BCAS3: variants seen among roughly 807,000 people sequenced by gnomAD.
BCAS3 encodes BCAS4/BCAS3 fusion.
BCAS3 carries 53 observed loss-of-function variants against 116.1 expected under a neutral mutation model. The observed-to-expected ratio is 0.46, with a 90% CI of 0.37 to 0.57. The LOEUF (loss-of-function observed/expected upper bound fraction) is 0.57. Ranked by LOEUF, BCAS3 falls within the 20% of genes least tolerant of loss-of-function variation. The probability of loss-of-function intolerance (pLI) is 0.00; values close to 1 mark genes in which losing one functional copy is unlikely to be tolerated. For missense variants in BCAS3, 917 were observed against 1,165.4 expected (o/e 0.79, Z 3.10); for synonymous variants, 391 against 408.2 (o/e 0.96, Z 0.51).
rs1159095712 is a variant in BCAS3, at chr17:61,045,952, T to A, written c.2029+5060T>A. Among the ~76,000 whole-genome samples, 7 of 13,216 alleles carry A rather than the reference T, an allele frequency of 5.3e-4. No individual in the cohort carries two copies. In the Admixed American group the frequency reaches 6.2e-3, roughly 12 times the overall value. 8.7% of individuals were successfully genotyped at this position (13,216 alleles called of 152,430 possible). On this transcript the variant is annotated intron_variant, in intron 19 of 23. Coordinates refer to ENST00000407086, the MANE Select transcript of BCAS3 (RefSeq NM_017679.5). ...TATATAAATATATATATTATATATA[T>A]AAATATATATATAATATATATATAT... is the stretch of plus-strand genomic sequence containing the variant.
Position 60,696,944 on chromosome 17 carries a change from T to C in BCAS3, c.214+7183T>C, listed in dbSNP as rs541750414. Among the ~76,000 whole-genome samples the C allele has an allele frequency of 9.2e-5, 14 of 151,650 alleles. No individual in the cohort carries two copies. In the South Asian group the frequency reaches 2.9e-3, roughly 32 times the overall value. ...GCTCATGCCTGTAATCCCAGGACTT[T>C]GGGAGGCCAAGACGGGTAGATCACT... is the stretch of plus-strand genomic sequence containing the variant. On this transcript the variant is annotated intron_variant, in intron 4 of 23. Transcript: ENST00000407086.
chr17:61,002,268 C>G (rs1471734220), intron 15 of BCAS3, among the ~76,000 whole-genome samples: 5 of 152,028 alleles, frequency 3.3e-5, no homozygotes, highest in Non-Finnish European at 5.9e-5. Context: ...TTTCTTTTCT[C>G]TGTAAGTTTT....
chr17:61,384,656 C>T (rs1327325162), intron 23 of BCAS3: 1 of 152,326 alleles, frequency 6.6e-6, no homozygotes, highest in Non-Finnish European at 1.5e-5. Flanking sequence ...TCAGATACAT[C>T]CAAACCAGCG....
In BCAS3 at chr17:61,350,913, T is replaced by C. The variant is rs147976069; in HGVS notation, c.2426-17414T>C. On this transcript the variant is annotated intron_variant, in intron 22 of 23. Transcript: ENST00000407086. ...CCTCCCAAAGTGCTAGGATTGCAGG[T>C]GTGAGCCACCATGCCCAGCCTTCAA... Among the ~76,000 whole-genome samples the C allele has an allele frequency of 4.8e-3, 736 of 152,226 alleles. 9 individuals carry two copies. The highest frequency in any genetic ancestry group is 0.017 in the African/African-American group (699 of 41,526).
chr17:60,694,108 G>T (rs941841383), intron 4 of BCAS3, among the ~76,000 whole-genome samples: 2 of 151,082 alleles, frequency 1.3e-5, no homozygotes, highest in Admixed American at 6.6e-5. Context: ...GGATGGTCTC[G>T]ATCTCCTGAC....
chr17:60,891,752 C>T (rs1567805947), intron 10 of BCAS3: 1 of 455,866 alleles, frequency 2.2e-6, no homozygotes, highest in African/African-American at 2.0e-5. Context: ...ATCCATCATC[C>T]AGATATTGAA....
intron 4 of BCAS3, among the ~76,000 whole-genome samples, chr17:60,693,730 A>G (rs2035188966): frequency 6.6e-6 from 1 of 151,424 alleles, no homozygotes; most frequent in South Asian, 2.1e-4. Flanking sequence ...TTCTAATATC[A>G]AGGTCTAGTA....
intron 19 of BCAS3, among the ~76,000 whole-genome samples, chr17:61,046,425 C>T (rs1244972386): frequency 6.6e-6 from 1 of 151,322 alleles, no homozygotes; most frequent in African/African-American, 2.4e-5. Context: ...GAAATTGGTT[C>T]CAGAACCTCC....
At chr17:60,949,336 C>T (rs1488681696) in intron 14 of BCAS3, among the ~76,000 whole-genome samples, 1 of 152,160 alleles carries the variant, frequency 6.6e-6, no homozygotes, top group African/African-American at 2.4e-5. Context: ...TAGCTGAGTA[C>T]AGCCTTGACC....
chr17:60,706,108 G>T (rs1431150212), intron 4 of BCAS3, among the ~76,000 whole-genome samples: 2 of 152,028 alleles, frequency 1.3e-5, no homozygotes, highest in Non-Finnish European at 2.9e-5. Flanking sequence ...TGTTGCCCAG[G>T]CTGGAGTGCA....
chr17:61,157,298 T>C (rs2077904137), intron 22 of BCAS3, among the ~76,000 whole-genome samples: 1 of 152,218 alleles, frequency 6.6e-6, no homozygotes, highest in Admixed American at 6.5e-5. Flanking sequence ...AAATGTCTTT[T>C]ATCTTCTCTT....
chr17:60,784,536 T>C (rs1211224578), intron 6 of BCAS3, among the ~76,000 whole-genome samples: 2 of 151,362 alleles, frequency 1.3e-5, no homozygotes, highest in Non-Finnish European at 2.9e-5. Context: ...ATCTCTTGAC[T>C]TTGTAATCTG....
At position 61,320,082 on chromosome 17, in the gene BCAS3, G is replaced by T. The variant is rs1001876818; in HGVS notation, c.2426-48245G>T. On this transcript the variant is annotated intron_variant, in intron 22 of 23. Transcript: ENST00000407086. ...TTTTTCTATTTTTAGTAGAGACAGG[G>T]TTTTGCTATGTTTGCCAGGCTGGTC... Among the ~76,000 whole-genome samples, 8 of 151,348 alleles carry T rather than the reference G, an allele frequency of 5.3e-5. No homozygotes were observed. The South Asian group carries it at 6.3e-4, about 12-fold the overall frequency.
At position 61,392,199 on chromosome 17, in the gene BCAS3, A is replaced by C. The variant is rs1603236978; in HGVS notation, c.*74A>C. ...AGGGGAGAAGCCCCGCTCTGGTCCTACCCTTCAGTCTCTGCTCTTCCTTCA... is the reference window on the plus strand; with the variant it reads ...AGGGGAGAAGCCCCGCTCTGGTCCTCCCCTTCAGTCTCTGCTCTTCCTTCA... On this transcript the variant is annotated 3_prime_UTR_variant, in exon 24 of 24. Coordinates refer to ENST00000407086, the MANE Select transcript of BCAS3 (RefSeq NM_017679.5). The surrounding 1 kb of genome is among the most constrained non-coding windows in gnomAD (Gnocchi z 6.4). 6.6e-7 allele frequency: 1 copy of C among 1,508,126 alleles called. No individual in the cohort carries two copies. Among genetic ancestry groups the C allele is most frequent in the Admixed American group, 2.0e-5 (1 of 51,150 alleles). 93.4% of individuals were successfully genotyped at this position (1,508,126 alleles called of 1,614,324 possible).
intron 7 of BCAS3, among the ~76,000 whole-genome samples, chr17:60,822,106 C>G (rs964691536): frequency 2.0e-5 from 3 of 152,144 alleles, no homozygotes; most frequent in East Asian, 3.8e-4. Context: ...ATACATATTT[C>G]CTTTTCTCTT....
intron 7 of BCAS3, among the ~76,000 whole-genome samples, chr17:60,821,038 C>T (rs2049919174): frequency 3.9e-5 from 6 of 152,148 alleles, no homozygotes. Context: ...CCTCCGCCTC[C>T]CGGGTTCAAG....
At position 61,257,058 on chromosome 17, in the gene BCAS3, G is replaced by A. The variant is rs942785795; in HGVS notation, c.2426-111269G>A. On this transcript the variant is annotated intron_variant, in intron 22 of 23. Transcript: ENST00000407086. ...TTTCCATTTAGATCTCAATCTTTGC[G>A]ATCGGTGTTGTCATGTCCATTTTGC... Among the ~76,000 whole-genome samples the A allele has an allele frequency of 6.6e-5, 10 of 152,118 alleles. No individual in the cohort carries two copies. In the South Asian group the frequency reaches 1.5e-3, roughly 22 times the overall value.
rs142590472 is a variant in BCAS3 at position 61,241,580 on chromosome 17, G to A, written c.2426-126747G>A. 3.3e-5 allele frequency among the ~76,000 whole-genome samples: 5 copies of A among 151,978 alleles called. No homozygotes were observed. Among genetic ancestry groups the A allele is most frequent in the Admixed American group, 1.3e-4 (2 of 15,274 alleles). Reference sequence around the variant, plus strand: ...AATTACAAAAAAAAATTAGCCGGCCGTGGTGGCGGGTGCCTGTAGTCCCAG... The same window carrying A: ...AATTACAAAAAAAAATTAGCCGGCCATGGTGGCGGGTGCCTGTAGTCCCAG... On this transcript the variant is annotated intron_variant, in intron 22 of 23. Transcript: ENST00000407086. This position sits in a 1 kb window ranked among gnomAD's most constrained non-coding sequence, Gnocchi z 4.6.
chr17:61,111,112 T>C (rs879373345), intron 22 of BCAS3, among the ~76,000 whole-genome samples: 2,376 of 150,540 alleles, frequency 0.016, 30 homozygotes, highest in Middle Eastern at 0.051. Flanking sequence ...AGACCAAAAG[T>C]AGATAAAACC....
Sources: allele counts gnomAD v4.1 joint callset (sites outside exome capture counted in the v4.1 genomes callset), GRCh38; gene constraint gnomAD v4.1.1; non-coding constraint Gnocchi (gnomAD v3.1); transcripts MANE v1.5; gene names NCBI Gene and HGNC (gene_info 2026-07-23, HGNC 2026-07-21).